Variants in CSMD1 observed in about 807,000 individuals in gnomAD.
CSMD1 encodes the protein CUB and sushi domain-containing protein 1.
CSMD1 carries 213 observed loss-of-function variants against 417.5 expected under a neutral mutation model. The observed-to-expected ratio is 0.51, with a 90% CI of 0.46 to 0.57. The LOEUF is 0.57. Among genes scored for constraint, CSMD1 ranks in the 20% least tolerant of loss-of-function variants. CSMD1 has a pLI of 0.00. For synonymous variants in CSMD1, 2,862 were observed against 1,736.8 expected, an observed-to-expected ratio of 1.65 and a Z score of -16.11; for missense variants, 6,923 against 4,529.7, an observed-to-expected ratio of 1.53 and a Z score of -15.17.
At chr8:4,088,610 C>T (rs1375019039) in intron 3 of CSMD1, among the ~76,000 whole-genome samples, 1 of 152,136 alleles carries the variant, frequency 6.6e-6, no homozygotes, top group Non-Finnish European at 1.5e-5. Flanking sequence ...TCTCTCTCTC[C>T]CCTTCCCACC....
intron 51 of CSMD1, among the ~76,000 whole-genome samples, chr8:3,020,721 G>C (rs370985851): frequency 6.6e-6 from 1 of 152,106 alleles, no homozygotes; most frequent in South Asian, 2.1e-4. Flanking sequence ...TTCAGACAGA[G>C]ACACCCAGAC....
rs1563063945 is a variant in CSMD1, at chr8:3,772,334, G to GT, written c.819-18293_819-18292insA. On this transcript the variant is annotated intron_variant, in intron 5 of 69. Coordinates refer to ENST00000635120, the MANE Select transcript of CSMD1 (RefSeq NM_033225.6). ...AGACATACATATGTACATATATTTA[G>GT]ACATACATATATACATATATTTATA... is the stretch of plus-strand genomic sequence containing the variant. Among the ~76,000 whole-genome samples the GT allele has an allele frequency of 2.7e-3, 93 of 34,466 alleles. 12 individuals carry two copies. The highest frequency in any genetic ancestry group is 4.6e-3 in the African/African-American group (30 of 6,570). The allele number at this position is 34,466 out of a possible 152,430, so 22.6% of individuals were successfully genotyped here.
intron 2 of CSMD1, among the ~76,000 whole-genome samples, chr8:4,532,930 T>C (rs1207670473): frequency 8.8e-5 from 13 of 148,292 alleles, no homozygotes; most frequent in African/African-American, 3.0e-4. Context: ...ATCTTGCACC[T>C]GCATTCACAG....
At chr8:3,947,770 G>A (rs1024112924) in intron 5 of CSMD1, among the ~76,000 whole-genome samples, 3 of 152,152 alleles carry the variant, frequency 2.0e-5, no homozygotes, top group Admixed American at 1.3e-4. Flanking sequence ...ATGTGCGGTT[G>A]AAAGGACTGT....
chr8:4,119,644 G>A (rs1309348984), intron 3 of CSMD1, among the ~76,000 whole-genome samples: 3 of 152,140 alleles, frequency 2.0e-5, no homozygotes, highest in East Asian at 3.9e-4. Context: ...TGAGGAACAA[G>A]GAAGCACACA....
chr8:4,374,637 T>C (rs972433878), intron 3 of CSMD1, among the ~76,000 whole-genome samples: 2 of 151,972 alleles, frequency 1.3e-5, no homozygotes, highest in African/African-American at 4.8e-5. Context: ...ATGAAGTTGT[T>C]TTTTAGCTGG....
chr8:4,144,815 G>A (rs1804012114), intron 3 of CSMD1, among the ~76,000 whole-genome samples: 1 of 150,946 alleles, frequency 6.6e-6, no homozygotes, highest in Non-Finnish European at 1.5e-5. Flanking sequence ...TCACCAAAAA[G>A]CAACATTCGC....
intron 2 of CSMD1, among the ~76,000 whole-genome samples, chr8:4,445,685 T>C (rs1227130539): frequency 1.3e-5 from 2 of 152,184 alleles, no homozygotes; most frequent in Non-Finnish European, 2.9e-5. Context: ...ACATTGTCAC[T>C]TTCCCACAAC....
chr8:3,144,651 A>G (rs188944360), intron 40 of CSMD1, among the ~76,000 whole-genome samples: 11 of 152,246 alleles, frequency 7.2e-5, no homozygotes, highest in Admixed American at 3.3e-4. Flanking sequence ...CATTTCTGCA[A>G]ATATTCAAAA....
At chr8:4,838,698 G>C (rs970270796) in intron 1 of CSMD1, among the ~76,000 whole-genome samples, 2 of 152,200 alleles carry the variant, frequency 1.3e-5, no homozygotes, top group Admixed American at 6.5e-5. Context: ...TTTATTTGCA[G>C]AGGACACTTG....
At chr8:3,955,983 C>G (rs1283278688) in intron 5 of CSMD1, among the ~76,000 whole-genome samples, 1 of 152,162 alleles carries the variant, frequency 6.6e-6, no homozygotes, top group African/African-American at 2.4e-5. Flanking sequence ...TTAGTAGAGT[C>G]AGGGTTTCAC....
chr8:4,841,804 G>T (rs989334202), intron 1 of CSMD1, among the ~76,000 whole-genome samples: 1 of 151,236 alleles, frequency 6.6e-6, no homozygotes, highest in South Asian at 2.1e-4. Context: ...CTAGCTACTC[G>T]GGAGGCTGAG....
At chr8:4,596,925 G>A (rs997739883) in intron 2 of CSMD1, among the ~76,000 whole-genome samples, 2 of 152,120 alleles carry the variant, frequency 1.3e-5, no homozygotes, top group Non-Finnish European at 2.9e-5. Context: ...TTTATCAGGG[G>A]TTTCCGCTTT....
At chr8:4,981,726 G>C (rs763233648) in intron 1 of CSMD1, among the ~76,000 whole-genome samples, 1 of 152,124 alleles carries the variant, frequency 6.6e-6, no homozygotes, top group East Asian at 1.9e-4. Context: ...GCTGATGTCC[G>C]TGCCCTAGGG....
intron 3 of CSMD1, among the ~76,000 whole-genome samples, chr8:4,086,704 A>G (rs1800439849): frequency 6.6e-6 from 1 of 152,230 alleles, no homozygotes; most frequent in Non-Finnish European, 1.5e-5. Context: ...TTCTTCAGGT[A>G]CCCAGGTAGA....
At chr8:2,966,869 A>G (rs1304588356) in intron 57 of CSMD1, 123 bp from the exon 58 acceptor site, 3 of 806,802 alleles carry the variant, frequency 3.7e-6, no homozygotes, top group Non-Finnish European at 5.9e-6. Flanking sequence ...CAAAGCACAC[A>G]ATCCTATGGA....
intron 26 of CSMD1, among the ~76,000 whole-genome samples, chr8:3,265,922 A>C (rs1054088501): frequency 6.6e-6 from 1 of 151,934 alleles, no homozygotes; most frequent in Admixed American, 6.6e-5. Context: ...CAGGAAATTC[A>C]GCACTTGGCC....
chr8:3,269,759 GAA>G (rs1379750197), intron 26 of CSMD1, among the ~76,000 whole-genome samples: 1 of 152,168 alleles, frequency 6.6e-6, no homozygotes, highest in Non-Finnish European at 1.5e-5. Flanking sequence ...AAGCTTTAAT[GAA>G]AAGTGTCAGG....
At chr8:4,227,437 G>C (rs747168018) in intron 3 of CSMD1, among the ~76,000 whole-genome samples, 5 of 152,064 alleles carry the variant, frequency 3.3e-5, no homozygotes, top group Non-Finnish European at 7.4e-5. Flanking sequence ...TATGGTCAAA[G>C]CCTAGTGTAT....
Sources: allele counts gnomAD v4.1 joint callset (sites outside exome capture counted in the v4.1 genomes callset), GRCh38; gene constraint gnomAD v4.1.1; transcripts MANE v1.5; gene names NCBI Gene and HGNC (gene_info 2026-07-23, HGNC 2026-07-21).